TTC7B: variants seen among roughly 807,000 people sequenced by gnomAD.
TTC7B encodes the protein tetratricopeptide repeat protein 7B.
A neutral mutation model predicts 106.8 loss-of-function variants in TTC7B; 28 were observed. The observed-to-expected ratio is 0.26, with a 90% CI of 0.19 to 0.36. TTC7B has a LOEUF of 0.36. Among genes scored for constraint, TTC7B ranks in the 10% least tolerant of loss-of-function variants. The pLI is 1.00. For missense variants in TTC7B, 862 were observed against 1,076.4 expected (o/e 0.80, Z 2.79); for synonymous variants, 405 against 430.6 (o/e 0.94, Z 0.74).
chr14:90,715,565 A>G (rs1184668884), intron 5 of TTC7B, among the ~76,000 whole-genome samples: 2 of 152,196 alleles, frequency 1.3e-5, no homozygotes, highest in Non-Finnish European at 2.9e-5. Flanking sequence ...TAATAATCCT[A>G]TGAAGCAGGT....
chr14:90,737,061 G>T (rs12591019), intron 4 of TTC7B, among the ~76,000 whole-genome samples: 14,310 of 151,980 alleles, frequency 0.094, 1,635 homozygotes, highest in African/African-American at 0.27. Context: ...ACTATATACA[G>T]ATTCAAAATT....
At chr14:90,694,657 TTTA>T (rs1334222983) in intron 6 of TTC7B, among the ~76,000 whole-genome samples, 2 of 142,098 alleles carry the variant, frequency 1.4e-5, no homozygotes, top group Non-Finnish European at 3.0e-5. Context: ...GTCACATATA[TTTA>T]TTATAAATAT....
At chr14:90,592,370 C>T (rs1891993896) in intron 18 of TTC7B, among the ~76,000 whole-genome samples, 1 of 152,134 alleles carries the variant, frequency 6.6e-6, no homozygotes, top group African/African-American at 2.4e-5. Context: ...AAATCCACAG[C>T]CATTATTTCT....
intron 3 of TTC7B, among the ~76,000 whole-genome samples, chr14:90,775,965 A>G (rs1051331928): frequency 6.6e-6 from 1 of 152,096 alleles, no homozygotes; most frequent in Non-Finnish European, 1.5e-5. Context: ...TAAAAAGGGA[A>G]CTGTTCATTT....
Position 90,802,884 on chromosome 14 carries a change from T to C in TTC7B, c.121+13291A>G, listed in dbSNP as rs1244436229. Among the ~76,000 whole-genome samples, 1 of 151,192 alleles carries C rather than the reference T, an allele frequency of 6.6e-6. No homozygotes were observed. Among genetic ancestry groups the C allele is most frequent in the Non-Finnish European group, 1.5e-5 (1 of 67,936 alleles). On this transcript the variant is annotated intron_variant, in intron 1 of 19. Transcript: ENST00000328459. The surrounding 1 kb of genome is among the most constrained non-coding windows in gnomAD (Gnocchi z 4.7). Reference sequence around the variant, plus strand: ...GGCCGGGCACGGTGGCTCACGCCTGTAATCCCAGCACTTTGGGAGGCCGAA... The same window carrying C: ...GGCCGGGCACGGTGGCTCACGCCTGCAATCCCAGCACTTTGGGAGGCCGAA...
At chr14:90,810,269 C>T (rs956190630) in intron 1 of TTC7B, among the ~76,000 whole-genome samples, 1 of 152,186 alleles carries the variant, frequency 6.6e-6, no homozygotes, top group South Asian at 2.1e-4. Context: ...GTAAACATAA[C>T]ATGTTTCAAA....
In TTC7B at chr14:90,711,702, G is replaced by A. The variant is rs531899839; in HGVS notation, c.699-16124C>T. Among the ~76,000 whole-genome samples, 6 of 152,308 alleles carry A rather than the reference G, an allele frequency of 3.9e-5. 1 individual carries two copies. The South Asian group carries it at 6.2e-4, about 16-fold the overall frequency. ...CCCCCAAAGTGCTGGGATTACAGGC[G>A]TGAGCCACTGTGCCCAGCTGAAAAC... On this transcript the variant is annotated intron_variant, in intron 5 of 19. Coordinates refer to ENST00000328459, the MANE Select transcript of TTC7B (RefSeq NM_001010854.2).
chr14:90,578,245 T>G lies in TTC7B; in HGVS notation c.2171A>C (p.Asn724Thr), dbSNP rs759325038. 7 of 1,614,168 alleles carry G rather than the reference T, an allele frequency of 4.3e-6. No homozygotes were observed. Among genetic ancestry groups the G allele is most frequent in the Non-Finnish European group, 5.9e-6 (7 of 1,180,036 alleles). The change falls in exon 19 of 20, where the codon AAC becomes ACC. Residue 724 changes from asparagine to threonine, a missense_variant. Transcript: ENST00000328459. This position sits in a 1 kb window ranked among gnomAD's most constrained non-coding sequence, Gnocchi z 4.7. The part of the protein sequence containing the change: ...EATACTQEAA[N>T]LFPMSHNVLY... Reference sequence around the variant, plus strand: ...GACATTGTGGGACATTGGGAAGAGGTTGGCAGCTTCTTGGGTACAGGCTGT... The same window carrying G: ...GACATTGTGGGACATTGGGAAGAGGGTGGCAGCTTCTTGGGTACAGGCTGT...
chr14:90,627,943 C>A (rs1595221645), intron 15 of TTC7B, among the ~76,000 whole-genome samples: 1 of 152,140 alleles, frequency 6.6e-6, no homozygotes, highest in African/African-American at 2.4e-5. Context: ...ACCTTACTGC[C>A]CGTGTTCCAA....
chr14:90,548,489 TG>T (rs1889930931), intron 19 of TTC7B, among the ~76,000 whole-genome samples: 4 of 152,234 alleles, frequency 2.6e-5, no homozygotes, highest in Non-Finnish European at 5.9e-5. Flanking sequence ...TTATGATCAA[TG>T]TAGTGTATGT....
Position 90,802,459 on chromosome 14 carries a change from GC to G in TTC7B, c.121+13715del, listed in dbSNP as rs2140057813. ...CCTCTGAAGGGAGTGAGGGCTCCAA[GC>G]AGTGACAGAGGGCGCCAGCAGTGAC... On this transcript the variant is annotated intron_variant, in intron 1 of 19. Coordinates refer to ENST00000328459, the MANE Select transcript of TTC7B (RefSeq NM_001010854.2). This position sits in a 1 kb window ranked among gnomAD's most constrained non-coding sequence, Gnocchi z 4.7. Among the ~76,000 whole-genome samples, 1 of 17,512 alleles carries G rather than the reference GC, an allele frequency of 5.7e-5. No homozygotes were observed. Among genetic ancestry groups the G allele is most frequent in the East Asian group, 2.1e-3 (1 of 476 alleles). The allele number at this position is 17,512 out of a possible 152,430, so 11.5% of individuals were successfully genotyped here. A position where few individuals can be genotyped will look rare whatever the true frequency, so the allele number is the denominator to read the frequency against.
intron 17 of TTC7B, among the ~76,000 whole-genome samples, chr14:90,595,913 C>T (rs944488048): frequency 6.6e-6 from 1 of 152,138 alleles, no homozygotes; most frequent in African/African-American, 2.4e-5. Flanking sequence ...GTACACGGGC[C>T]AGGCAGCCTG....
At chr14:90,745,627 A>G (rs1211798856) in intron 3 of TTC7B, among the ~76,000 whole-genome samples, 6 of 152,140 alleles carry the variant, frequency 3.9e-5, no homozygotes, top group Non-Finnish European at 8.8e-5. Flanking sequence ...CCCAGCAAAA[A>G]TACCACTTGG....
intron 9 of TTC7B, among the ~76,000 whole-genome samples, chr14:90,675,664 G>A (rs569860431): frequency 1.3e-4 from 20 of 152,332 alleles, no homozygotes; most frequent in African/African-American, 4.8e-4. Context: ...AGGCTAGAGG[G>A]TGAGTCGGGC....
intron 19 of TTC7B, among the ~76,000 whole-genome samples, chr14:90,555,849 C>T (rs959796416): frequency 6.6e-6 from 1 of 152,224 alleles, no homozygotes; most frequent in African/African-American, 2.4e-5. Flanking sequence ...CTCTGCCTAG[C>T]CCTGGGAGTG....
chr14:90,769,112 G>C (rs1566878660), intron 3 of TTC7B, among the ~76,000 whole-genome samples: 1 of 152,106 alleles, frequency 6.6e-6, no homozygotes, highest in Non-Finnish European at 1.5e-5. Flanking sequence ...ATTTAAGTTA[G>C]AGTGTTAAAC....
intron 9 of TTC7B, 89 bp from the exon 10 acceptor site, chr14:90,658,476 G>T: frequency 2.4e-6 from 3 of 1,239,680 alleles, no homozygotes; most frequent in Non-Finnish European, 3.5e-6. Flanking sequence ...TGCACACTAA[G>T]GTAAGTCCCA....
In TTC7B at chr14:90,624,014, C is replaced by G. The variant is rs1342317503; in HGVS notation, c.1752-5969G>C. On this transcript the variant is annotated intron_variant, in intron 15 of 19. Coordinates refer to ENST00000328459, the MANE Select transcript of TTC7B (RefSeq NM_001010854.2). This position sits in a 1 kb window ranked among gnomAD's most constrained non-coding sequence, Gnocchi z 4.0. ...CCAGCCTGAGCGACAGAGACAGACT[C>G]TGTCTCAAACAACAAAACAAAAACA... 2.6e-5 allele frequency among the ~76,000 whole-genome samples: 4 copies of G among 152,192 alleles called. No individual in the cohort carries two copies. The highest frequency in any genetic ancestry group is 5.9e-5 in the Non-Finnish European group (4 of 68,034).
chr14:90,526,649 T>C lies in TTC7B; in HGVS notation c.*14719A>G, dbSNP rs746166682. On this transcript the variant is annotated 3_prime_UTR_variant, in exon 20 of 20. Coordinates refer to ENST00000328459, the MANE Select transcript of TTC7B (RefSeq NM_001010854.2). ...GACCCGGTGCAAGGTAATTGAATCA[T>C]GGGGGTGGCTACCCTCATGCTGTTC... 1 of 152,194 alleles carries C rather than the reference T, an allele frequency of 6.6e-6. No individual in the cohort carries two copies. The highest frequency in any genetic ancestry group is 1.5e-5 in the Non-Finnish European group (1 of 68,044). The allele number at this position is 152,194 out of a possible 1,614,324, so 9.4% of individuals were successfully genotyped here.
Sources: allele counts gnomAD v4.1 joint callset (sites outside exome capture counted in the v4.1 genomes callset), GRCh38; gene constraint gnomAD v4.1.1; non-coding constraint Gnocchi (gnomAD v3.1); transcripts MANE v1.5; gene names NCBI Gene and HGNC (gene_info 2026-07-23, HGNC 2026-07-21).